The following VPS8 variants were observed in gnomAD, a reference collection of about 807,000 sequenced individuals.
VPS8 encodes the protein vacuolar protein sorting-associated protein 8 homolog.
Under a neutral mutation model 216.4 loss-of-function variants are expected in VPS8, and 129 were observed. That is an observed-to-expected ratio of 0.60 (90% CI 0.52 to 0.69). The LOEUF (loss-of-function observed/expected upper bound fraction) is 0.69, where lower values mean the gene tolerates loss of function less well. Ranked by LOEUF, VPS8 falls within the 30% of genes least tolerant of loss-of-function variation. The pLI is 0.00. For missense variants in VPS8, 1,531 were observed against 1,683.5 expected, an observed-to-expected ratio of 0.91 and a Z score of 1.59; for synonymous variants, 571 against 565.4, an observed-to-expected ratio of 1.01 and a Z score of -0.14.
At chr3:184,971,104 A>G (rs1181249840) in intron 39 of VPS8, among the ~76,000 whole-genome samples, 2 of 152,262 alleles carry the variant, frequency 1.3e-5, no homozygotes, top group Non-Finnish European at 2.9e-5. Context: ...AAGTGCTTGC[A>G]GGACATCCAT....
intron 21 of VPS8, among the ~76,000 whole-genome samples, chr3:184,873,690 G>C (rs1220958664): frequency 1.3e-5 from 2 of 152,090 alleles, no homozygotes; most frequent in East Asian, 3.9e-4. Context: ...TGACCACAGA[G>C]AATGGTTTTA....
At chr3:184,888,403 T>C (rs1048153044) in intron 22 of VPS8, among the ~76,000 whole-genome samples, 10 of 152,218 alleles carry the variant, frequency 6.6e-5, no homozygotes, top group Non-Finnish European at 1.5e-4. Flanking sequence ...AGTTGACTTT[T>C]AGCTGATGGA....
intron 27 of VPS8, 119 bp from the exon 28 acceptor site, chr3:184,915,236 T>G (rs1335281907): frequency 7.2e-7 from 1 of 1,393,254 alleles, no homozygotes; most frequent in Non-Finnish European, 9.7e-7. Context: ...GAACTTAAAA[T>G]ACAGTAGCAA....
chr3:184,921,451 A>G (rs1389292398), intron 29 of VPS8, among the ~76,000 whole-genome samples: 1 of 152,206 alleles, frequency 6.6e-6, no homozygotes, highest in African/African-American at 2.4e-5. Flanking sequence ...ACTTCTTAAA[A>G]ACTGTGTAAT....
intron 36 of VPS8, among the ~76,000 whole-genome samples, chr3:184,942,459 C>G (rs977020670): frequency 1.3e-5 from 2 of 152,188 alleles, no homozygotes; most frequent in African/African-American, 4.8e-5. Context: ...TGCTCACAGG[C>G]CTTCCTCTCC....
chr3:184,876,898 A>T (rs1448711393), intron 21 of VPS8, among the ~76,000 whole-genome samples: 1 of 152,222 alleles, frequency 6.6e-6, no homozygotes, highest in African/African-American at 2.4e-5. Flanking sequence ...AGAGAAATGT[A>T]TATCAAATCT....
At position 184,849,579 on chromosome 3, in the gene VPS8, G is replaced by GT. The variant is rs995666863; in HGVS notation, c.667-350dup. ...CTTCTGAAACTGGCATTAGATTATG[G>GT]TTTTTTTATCTTCTGATTCATACAT... is the stretch of plus-strand genomic sequence containing the variant. On this transcript the variant is annotated intron_variant, in intron 9 of 47. Coordinates refer to ENST00000625842, the MANE Select transcript of VPS8 (RefSeq NM_001009921.3). The GT allele has an allele frequency of 4.5e-5, 12 of 263,946 alleles. No homozygotes were observed. In the East Asian group the frequency reaches 6.9e-4, roughly 15 times the overall value. The allele number at this position is 263,946 out of a possible 1,614,324, so 16.4% of individuals were successfully genotyped here.
At chr3:184,883,077 AAT>A (rs1730559188) in intron 21 of VPS8, among the ~76,000 whole-genome samples, 1 of 152,184 alleles carries the variant, frequency 6.6e-6, no homozygotes, top group South Asian at 2.1e-4. Context: ...ATTAAATAGC[AAT>A]GATTAGTTCT....
chr3:185,004,397 G>T (rs571922451), intron 45 of VPS8, among the ~76,000 whole-genome samples: 2 of 150,718 alleles, frequency 1.3e-5, no homozygotes, highest in Non-Finnish European at 3.0e-5. Flanking sequence ...GGAGAACCAG[G>T]CAGGGAGGCT....
At chr3:184,846,336 G>T (rs987942620) in intron 8 of VPS8, among the ~76,000 whole-genome samples, 3 of 152,194 alleles carry the variant, frequency 2.0e-5, no homozygotes, top group Admixed American at 2.0e-4. Context: ...CTAGTTGATG[G>T]TATGTGGGAA....
intron 37 of VPS8, among the ~76,000 whole-genome samples, chr3:184,964,213 A>G (rs941761002): frequency 6.6e-6 from 1 of 152,082 alleles, no homozygotes; most frequent in Non-Finnish European, 1.5e-5. Flanking sequence ...TCCAGTGTGT[A>G]TACCTAATTC....
At chr3:184,998,956 ACTGTAACCT>A (rs1441612992) in intron 44 of VPS8, among the ~76,000 whole-genome samples, 1 of 151,844 alleles carries the variant, frequency 6.6e-6, no homozygotes, top group East Asian at 1.9e-4. Flanking sequence ...ATCTCAGCTC[ACTGTAACCT>A]CTGCCTCCCA....
chr3:185,018,325 T>G (rs915085983), intron 45 of VPS8, among the ~76,000 whole-genome samples: 3 of 152,258 alleles, frequency 2.0e-5, no homozygotes, highest in Middle Eastern at 3.2e-3. Flanking sequence ...TTTCAGTCCC[T>G]GCTTTACAGC....
At position 184,867,005 on chromosome 3, in the gene VPS8, T is replaced by C. The variant is rs368576457; in HGVS notation, c.1470+55T>C. 93 of 1,527,358 alleles carry C rather than the reference T, an allele frequency of 6.1e-5. No individual in the cohort carries two copies. The African/African-American group carries it at 1.1e-3, about 17-fold the overall frequency. The allele number at this position is 1,527,358 out of a possible 1,614,324, so 94.6% of individuals were successfully genotyped here. On this transcript the variant is annotated intron_variant, in intron 17 of 47. Transcript: ENST00000625842. ...TTGTATGTATCAGGGTAGTTGAGGC[T>C]GAAGGAGATTGCTGGTAAAGAGGGC... is the stretch of plus-strand genomic sequence containing the variant.
At chr3:184,895,051 T>C in intron 23 of VPS8, 126 bp downstream of exon 23, 1 of 739,084 alleles carries the variant, frequency 1.4e-6, no homozygotes, top group Non-Finnish European at 2.2e-6. Context: ...GCACTTTTTG[T>C]AAGATGTATT....
At chr3:184,815,040 C>G (rs1215804791) in intron 1 of VPS8, among the ~76,000 whole-genome samples, 1 of 152,038 alleles carries the variant, frequency 6.6e-6, no homozygotes, top group East Asian at 1.9e-4. Context: ...ACACATTACT[C>G]TAGGCCTACA....
At chr3:185,040,390 G>A (rs530023414) in intron 46 of VPS8, among the ~76,000 whole-genome samples, 42 of 152,166 alleles carry the variant, frequency 2.8e-4, no homozygotes, top group Non-Finnish European at 5.3e-4. Context: ...AGTAGGTGAT[G>A]CCAATTGATC....
At position 184,839,654 on chromosome 3, in the gene VPS8, C is replaced by T. The variant is rs572143896; in HGVS notation, c.481-44C>T. On this transcript the variant is annotated intron_variant, in intron 6 of 47. Coordinates refer to ENST00000625842, the MANE Select transcript of VPS8 (RefSeq NM_001009921.3). ...ATTCAACTCTGATTATTTCAAGATTCTTAATGTAATGTCTTAAAACGTAAT... is the reference window on the plus strand; with the variant it reads ...ATTCAACTCTGATTATTTCAAGATTTTTAATGTAATGTCTTAAAACGTAAT... The T allele has an allele frequency of 7.2e-5, 112 of 1,547,448 alleles. 2 individuals are homozygous for T. The South Asian group carries it at 1.3e-3, about 18-fold the overall frequency.
In VPS8 at chr3:184,869,569, A is replaced by G; in HGVS notation, c.1644+41A>G. The G allele has an allele frequency of 2.5e-6, 4 of 1,602,996 alleles. No homozygotes were observed. The South Asian group carries it at 3.3e-5, about 13-fold the overall frequency. Reference sequence around the variant, plus strand: ...GGGTCTTTACTAGAATACAGTGCAGATTTGCTTTTGTCATTTGCCAGTATC... The same window carrying G: ...GGGTCTTTACTAGAATACAGTGCAGGTTTGCTTTTGTCATTTGCCAGTATC... On this transcript the variant is annotated intron_variant, in intron 20 of 47. Coordinates refer to ENST00000625842, the MANE Select transcript of VPS8 (RefSeq NM_001009921.3).
Sources: allele counts gnomAD v4.1 joint callset (sites outside exome capture counted in the v4.1 genomes callset), GRCh38; gene constraint gnomAD v4.1.1; transcripts MANE v1.5; gene names NCBI Gene and HGNC (gene_info 2026-07-23, HGNC 2026-07-21).